SULT1A2: variants seen among roughly 807,000 people sequenced by gnomAD.
SULT1A2 encodes sulfotransferase 1A2.
In SULT1A2, 33 loss-of-function variants were observed where a neutral mutation model predicts 36.0. That is an observed-to-expected ratio of 0.92 (90% confidence interval 0.69 to 1.22). SULT1A2 has a LOEUF of 1.22. SULT1A2 is among the 50% of genes most tolerant of loss of function. The pLI is 0.00. For missense variants in SULT1A2, 367 were observed against 383.2 expected (o/e 0.96, Z 0.35); for synonymous variants, 138 against 144.5 (o/e 0.96, Z 0.32).
In SULT1A2 at chr16:28,592,512, C is replaced by T. The variant is rs567016461; in HGVS notation, c.595-69G>A. Reference sequence around the variant, plus strand: ...TCAGGAAAATAAAAGGGGTCCACTTCTCTAACCTCAGAGGGGAACTGGCCA... The same window carrying T: ...TCAGGAAAATAAAAGGGGTCCACTTTTCTAACCTCAGAGGGGAACTGGCCA... On this transcript the variant is annotated intron_variant, in intron 6 of 7. Coordinates refer to ENST00000335715, the MANE Select transcript of SULT1A2 (RefSeq NM_001054.4). 5.0e-5 allele frequency: 80 copies of T among 1,609,756 alleles called. 2 individuals carry two copies. The South Asian group carries it at 8.7e-4, about 18-fold the overall frequency.
At chr16:28,593,620 A>G in intron 4 of SULT1A2, 52 bp from the exon 5 acceptor site, 1 of 1,608,164 alleles carries the variant, frequency 6.2e-7, no homozygotes, top group Non-Finnish European at 8.5e-7. Context: ...AGCCTGCCCC[A>G]GGCCAGCTCA....
In SULT1A2 at chr16:28,593,638, GT is replaced by G. The variant is rs56405541; in HGVS notation, c.373-71del. The G allele has an allele frequency of 3.3e-3, 5,306 of 1,601,226 alleles. 98 individuals carry two copies. The East Asian group carries it at 0.042, about 13-fold the overall frequency. The stretch of plus-strand genomic sequence containing the variant: ...CTGCCCCAGGCCAGCTCATCTCTTG[GT>G]TTGGCAAAGGAGGAAGCTGAGGCTT... On this transcript the variant is annotated intron_variant, in intron 4 of 7. Transcript: ENST00000335715.
chr16:28,596,880 G>C, intron 1 of SULT1A2, 117 bp downstream of exon 1: 1 of 702,876 alleles, frequency 1.4e-6, no homozygotes, highest in Non-Finnish European at 1.9e-6. Context: ...GGGGTTGTCT[G>C]AAATGGGATA....
chr16:28,596,889 T>G, intron 1 of SULT1A2, 108 bp downstream of exon 1: 1 of 747,276 alleles, frequency 1.3e-6, no homozygotes, highest in Non-Finnish European at 1.8e-6. Context: ...TGAAATGGGA[T>G]ATCCATGGGG....
At chr16:28,596,895 TG>T in intron 1 of SULT1A2, 101 bp downstream of exon 1, 2 of 799,444 alleles carry the variant, frequency 2.5e-6, no homozygotes, top group Non-Finnish European at 3.3e-6. Flanking sequence ...GGGATATCCA[TG>T]GGGAGAGGGC....
intron 1 of SULT1A2, 91 bp downstream of exon 1, chr16:28,596,906 C>T: frequency 1.1e-6 from 1 of 900,416 alleles, no homozygotes; most frequent in South Asian, 1.7e-5. Flanking sequence ...GGGGAGAGGG[C>T]AGGGATAGCA....
chr16:28,595,351 C>T lies in SULT1A2; in HGVS notation c.372+16G>A. 7 of 1,613,810 alleles carry T rather than the reference C, an allele frequency of 4.3e-6. No individual in the cohort carries two copies. The highest frequency in any genetic ancestry group is 5.1e-6 in the Non-Finnish European group (6 of 1,179,820). ...GTACTGAGATTGCGGGTGTGAACCA[C>T]TGTGCCCAGTCTCACCTTGACCTTC... On this transcript the variant is annotated intron_variant, in intron 4 of 7. Transcript: ENST00000335715.
chr16:28,595,888 C>T lies in SULT1A2; in HGVS notation c.43G>A (p.Val15Met), dbSNP rs747555025. ...TACTTGATGAGCGGGACCCCCTTCA[C>T]GTACTCCAGTGGCGGGCGAGAGATG... ...QDISRPPLEYVKGVPLIKYFA... is the reference protein window; with the variant it reads ...QDISRPPLEYMKGVPLIKYFA... The change falls in exon 2 of 8, where the codon GTG (valine) becomes ATG (methionine). Residue 15 changes from valine (V) to methionine (M), a missense_variant. Val to Met is a conservative substitution (Grantham distance 21). Coordinates refer to ENST00000335715, the MANE Select transcript of SULT1A2 (RefSeq NM_001054.4). The T allele has an allele frequency of 1.1e-5, 17 of 1,609,314 alleles. No homozygotes were observed. Among genetic ancestry groups the T allele is most frequent in the Admixed American group, 5.0e-5 (3 of 59,724 alleles).
chr16:28,595,336 T>A (rs772524335), intron 4 of SULT1A2, 31 bp downstream of exon 4: 2 of 1,612,774 alleles, frequency 1.2e-6, no homozygotes, highest in African/African-American at 2.7e-5. Flanking sequence ...GTACTGAGAT[T>A]GCGGGTGTGA....
In SULT1A2 at chr16:28,595,672, G is replaced by C; in HGVS notation, c.152C>G (p.Thr51Ser). Reference sequence around the variant, plus strand: ...GTCCAGAATCTGGCTCACCCAGGTGGTGCCTGGAGAGGGAGGGAGATGGGA... The same window carrying C: ...GTCCAGAATCTGGCTCACCCAGGTGCTGCCTGGAGAGGGAGGGAGATGGGA... ...LLISTYPKSG[T>S]TWVSQILDMI... Residue 51 changes from threonine (T) to serine (S), a missense_variant, in exon 3 of 8, where the codon ACC becomes AGC. Physicochemically the swap from Thr to Ser is moderately conservative, Grantham distance 58. Coordinates refer to ENST00000335715, the MANE Select transcript of SULT1A2 (RefSeq NM_001054.4). The C allele has an allele frequency of 6.2e-7, 1 of 1,614,140 alleles. No homozygotes were observed. The highest frequency in any genetic ancestry group is 1.7e-5 in the Admixed American group (1 of 60,032).
intron 4 of SULT1A2, among the ~76,000 whole-genome samples, chr16:28,594,781 T>G (rs1367235529): frequency 7.4e-6 from 1 of 135,148 alleles, no homozygotes; most frequent in Non-Finnish European, 1.6e-5. Flanking sequence ...TTTTTTTTTT[T>G]TTTTTTTTTT....
chr16:28,596,953 G>T, intron 1 of SULT1A2, 44 bp downstream of exon 1: 1 of 1,198,860 alleles, frequency 8.3e-7, no homozygotes. Context: ...GCCACAAGCT[G>T]AGCAGGGTGA....
intron 6 of SULT1A2, 100 bp from the exon 7 acceptor site, chr16:28,592,543 A>C (rs2151658564): frequency 5.7e-6 from 9 of 1,584,202 alleles, no homozygotes; most frequent in African/African-American, 1.3e-5. Flanking sequence ...GGCCACTTCC[A>C]CTTCAAAACC....
chr16:28,594,770 C>CGTTTTTTTTTTTTTTTTTTTTTTTTTT (rs1170627241), intron 4 of SULT1A2, among the ~76,000 whole-genome samples: 1 of 53,850 alleles, frequency 1.9e-5, no homozygotes, highest in Non-Finnish European at 3.5e-5. Flanking sequence ...CCACCTGCCG[C>CGTTTTTTTTTTTTTTTTTTTTTTTTTT]TTTTTTTTTT....
chr16:28,596,111 G>A (rs1158498176), intron 1 of SULT1A2, 177 bp from the exon 2 acceptor site: 2 of 1,453,336 alleles, frequency 1.4e-6, no homozygotes, highest in Non-Finnish European at 1.8e-6. Context: ...CTCTAATGTG[G>A]TGGTTCCCCA....
chr16:28,593,606 A>C (rs767762037), intron 4 of SULT1A2, 38 bp from the exon 5 acceptor site: 12 of 1,612,642 alleles, frequency 7.4e-6, no homozygotes, highest in Non-Finnish European at 1.0e-5. Context: ...CACCATCACC[A>C]CACAGCCTGC....
intron 1 of SULT1A2, chr16:28,596,630 G>T: frequency 4.8e-6 from 1 of 207,162 alleles, no homozygotes; most frequent in South Asian, 6.8e-5. Context: ...AGAATTTGGA[G>T]ACCAATCTGG....
rs919110062 is a variant in SULT1A2, at chr16:28,592,397, G to A, written c.641C>T (p.Ser214Phe). ...GAGGTCCACAGTCTCCTCTGGCAGG[G>A]AGCGCCCCACAAACTCCAGGATCTT... ...IQKILEFVGRSLPEETVDLMV... is the reference protein window; with the variant it reads ...IQKILEFVGRFLPEETVDLMV... The change falls in exon 7 of 8, where the codon TCC becomes TTC. Residue 214 changes from serine to phenylalanine, a missense_variant. Ser to Phe is a radical substitution (Grantham distance 155). Coordinates refer to ENST00000335715, the MANE Select transcript of SULT1A2 (RefSeq NM_001054.4). The A allele has an allele frequency of 6.2e-7, 1 of 1,614,008 alleles. No homozygotes were observed. Among genetic ancestry groups the A allele is most frequent in the African/African-American group, 1.3e-5 (1 of 74,934 alleles).
intron 6 of SULT1A2, 29 bp from the exon 7 acceptor site, chr16:28,592,472 G>T: frequency 6.2e-7 from 1 of 1,614,132 alleles, no homozygotes; most frequent in Non-Finnish European, 8.5e-7. Context: ...CTCAGTGGAG[G>T]CTTGGATTGC....
Sources: allele counts gnomAD v4.1 joint callset (sites outside exome capture counted in the v4.1 genomes callset), GRCh38; gene constraint gnomAD v4.1.1; transcripts MANE v1.5; gene names NCBI Gene and HGNC (gene_info 2026-07-23, HGNC 2026-07-21).